The following TINAGL1 variants were observed in gnomAD, a reference collection of about 807,000 sequenced individuals.
The protein encoded by TINAGL1 is tubulointerstitial nephritis antigen like 1, also known as tubulointerstitial nephritis antigen-like.
A neutral mutation model predicts 62.0 loss-of-function variants in TINAGL1; 34 were observed. That is an observed-to-expected ratio of 0.55 (90% CI 0.42 to 0.73). The LOEUF (loss-of-function observed/expected upper bound fraction) is 0.73. TINAGL1 is among the 30% of genes least tolerant of loss of function. TINAGL1 has a pLI of 0.00. For synonymous variants in TINAGL1, 221 were observed against 249.7 expected (o/e 0.88, Z 1.08); for missense variants, 516 against 653.2 (o/e 0.79, Z 2.29).
At chr1:31,580,498 G>A (rs780754544) in intron 3 of TINAGL1, 122 of 1,289,198 alleles carry the variant, frequency 9.5e-5, no homozygotes, top group Non-Finnish European at 1.1e-4. Context: ...TGCTGCCTAG[G>A]TGTGCAGAGG....
chr1:31,577,338 C>T lies in TINAGL1; in HGVS notation c.190C>T (p.Leu64=), dbSNP rs1439957023. The T allele has an allele frequency of 6.2e-7, 1 of 1,613,972 alleles. No individual in the cohort carries two copies. Among genetic ancestry groups the T allele is most frequent in the East Asian group, 2.2e-5 (1 of 44,888 alleles). ...CCRGRADDCA[L]PYLGAICYCD... is the part of the protein sequence containing the mutation. ...CCGCGGCCGTGCCGACGACTGTGCC[C>T]TGCCCTACCTGGGCGCCATCTGTTA... is the stretch of plus-strand genomic sequence containing the variant. Residue 64 remains leucine, a synonymous_variant, in exon 2 of 12, where the codon CTG becomes TTG. Transcript: ENST00000271064. This position sits in a 1 kb window ranked among gnomAD's most constrained non-coding sequence, Gnocchi z 5.4.
Position 31,580,708 on chromosome 1 carries a change from A to G in TINAGL1, c.374+1441A>G, listed in dbSNP as rs775674513. 3 of 1,271,452 alleles carry G rather than the reference A, an allele frequency of 2.4e-6. No homozygotes were observed. The South Asian group carries it at 3.7e-5, about 16-fold the overall frequency. The allele number at this position is 1,271,452 out of a possible 1,614,324, so 78.8% of individuals were successfully genotyped here. ...AGCCTTGGACAGCTTGCAAGGAGGC[A>G]GTTCAGCATCTTGTAATAACAGAGT... On this transcript the variant is annotated intron_variant, in intron 3 of 11. Transcript: ENST00000271064.
At position 31,586,763 on chromosome 1, in the gene TINAGL1, C is replaced by A; in HGVS notation, c.1263+8C>A. 6.4e-7 allele frequency: 1 copy of A among 1,552,520 alleles called. No homozygotes were observed. The highest frequency in any genetic ancestry group is 8.7e-7 in the Non-Finnish European group (1 of 1,147,462). On this transcript the variant is annotated splice_region_variant and intron_variant, in intron 11 of 11. Transcript: ENST00000271064. ...AGGACGCTCAAATACTGGGTGAGGCCGCTGACCCTTTCCCCGCCCCCTCTT... is the reference window on the plus strand; with the variant it reads ...AGGACGCTCAAATACTGGGTGAGGCAGCTGACCCTTTCCCCGCCCCCTCTT...
In TINAGL1 at chr1:31,585,668, G is replaced by A; in HGVS notation, c.1094-85G>A. 2 of 1,551,796 alleles carry A rather than the reference G, an allele frequency of 1.3e-6. No individual in the cohort carries two copies. The highest frequency in any genetic ancestry group is 8.7e-7 in the Non-Finnish European group (1 of 1,147,522). ...TAGAGCTTTGGTATGGAGGGACCCTGGTGCCTGGGCACATCTCAATAGACT... is the reference window on the plus strand; with the variant it reads ...TAGAGCTTTGGTATGGAGGGACCCTAGTGCCTGGGCACATCTCAATAGACT... On this transcript the variant is annotated intron_variant, in intron 9 of 11. Transcript: ENST00000271064. This position sits in a 1 kb window ranked among gnomAD's most constrained non-coding sequence, Gnocchi z 4.3.
At chr1:31,579,158 T>G (rs2148587072) in intron 2 of TINAGL1, 46 bp from the exon 3 acceptor site, 1 of 1,548,482 alleles carries the variant, frequency 6.5e-7, no homozygotes, top group Middle Eastern at 1.7e-4. Flanking sequence ...AATTAGCCCA[T>G]CCTCTCTGGT....
rs1381123015 is a variant in TINAGL1 at position 31,585,325 on chromosome 1, C to A, written c.1032C>A (p.Tyr344Ter). ...NNDIYQVTPV[Y>*]RLGSNDKEIM... ...ACATCTACCAGGTCACTCCTGTCTA[C>A]CGCCTCGGCTCCAACGTAAGTCAGC... is the stretch of plus-strand genomic sequence containing the variant. The change falls in exon 8 of 12, where the codon TAC becomes TAA. Residue 344 changes from tyrosine (Y) to a stop codon, truncating the protein, a stop_gained. Transcript: ENST00000271064. LOFTEE classifies it high-confidence loss of function. This position sits in a 1 kb window ranked among gnomAD's most constrained non-coding sequence, Gnocchi z 4.3. 1.2e-6 allele frequency: 2 copies of A among 1,605,260 alleles called. No individual in the cohort carries two copies. Among genetic ancestry groups the A allele is most frequent in the Non-Finnish European group, 8.5e-7 (1 of 1,174,698 alleles).
rs994311807 is a variant in TINAGL1, at chr1:31,586,997, G to A, written c.*18G>A. The A allele has an allele frequency of 1.4e-6, 2 of 1,456,904 alleles. No homozygotes were observed. Among genetic ancestry groups the A allele is most frequent in the South Asian group, 1.4e-5 (1 of 69,540 alleles). 90.2% of individuals were successfully genotyped at this position (1,456,904 alleles called of 1,614,324 possible). ...ATCACTGAGGCTGCGGGCACCACGC[G>A]GGGTCCGGCCTGGGATCCAGGCTAA... is the stretch of plus-strand genomic sequence containing the variant. On this transcript the variant is annotated 3_prime_UTR_variant, in exon 12 of 12. Transcript: ENST00000271064.
Position 31,587,321 on chromosome 1 carries a change from T to C in TINAGL1, c.*342T>C, listed in dbSNP as rs928834786. 3 of 203,788 alleles carry C rather than the reference T, an allele frequency of 1.5e-5. No individual in the cohort carries two copies. The highest frequency in any genetic ancestry group is 2.9e-5 in the Non-Finnish European group (3 of 103,814). The allele number at this position is 203,788 out of a possible 1,614,324, so 12.6% of individuals were successfully genotyped here. ...CCACTACCCCACCCCACTCCTGTAT[T>C]CTTTTTTTTTTTTTTTTAGACAGGG... is the stretch of plus-strand genomic sequence containing the variant. On this transcript the variant is annotated 3_prime_UTR_variant, in exon 12 of 12. Transcript: ENST00000271064.
chr1:31,585,126 T>C lies in TINAGL1; in HGVS notation c.858-25T>C. The C allele has an allele frequency of 6.4e-7, 1 of 1,563,938 alleles. No homozygotes were observed. The highest frequency in any genetic ancestry group is 8.7e-7 in the Non-Finnish European group (1 of 1,151,510). On this transcript the variant is annotated intron_variant, in intron 7 of 11. Transcript: ENST00000271064. This position sits in a 1 kb window ranked among gnomAD's most constrained non-coding sequence, Gnocchi z 4.3. ...CATGATGCACTGAGTCTTTCTGCCT[T>C]TGCTCCCTCTTGCTGCCTTTGCAGG...
In TINAGL1 at chr1:31,577,764, G is replaced by A. The variant is rs1469995528; in HGVS notation, c.310+306G>A. 5.9e-6 allele frequency: 2 copies of A among 337,364 alleles called. No individual in the cohort carries two copies. Among genetic ancestry groups the A allele is most frequent in the Non-Finnish European group, 1.1e-5 (2 of 186,084 alleles). The allele number at this position is 337,364 out of a possible 1,614,324, so 20.9% of individuals were successfully genotyped here. A position where few individuals can be genotyped will look rare whatever the true frequency, so the allele number is the denominator to read the frequency against. On this transcript the variant is annotated intron_variant, in intron 2 of 11. Coordinates refer to ENST00000271064, the MANE Select transcript of TINAGL1 (RefSeq NM_022164.3). This position sits in a 1 kb window ranked among gnomAD's most constrained non-coding sequence, Gnocchi z 5.4. ...TCTTGGGCTGATAAGGCACATATGG[G>A]TTGGTGAGGGTCATCTTAGCCATTT... is the stretch of plus-strand genomic sequence containing the variant.
rs2148592674 is a variant in TINAGL1 at position 31,583,085 on chromosome 1, C to A, written c.375-64C>A. On this transcript the variant is annotated intron_variant, in intron 3 of 11. Transcript: ENST00000271064. This position sits in a 1 kb window ranked among gnomAD's most constrained non-coding sequence, Gnocchi z 4.4. ...CCCTGGCCCATGTTAACCTCCGAGGCCACATTCCTTCAAAGTATCCCCAGT... is the reference window on the plus strand; with the variant it reads ...CCCTGGCCCATGTTAACCTCCGAGGACACATTCCTTCAAAGTATCCCCAGT... The A allele has an allele frequency of 6.8e-7, 1 of 1,476,460 alleles. No homozygotes were observed. Among genetic ancestry groups the A allele is most frequent in the Non-Finnish European group, 9.5e-7 (1 of 1,055,068 alleles). The allele number at this position is 1,476,460 out of a possible 1,614,324, so 91.5% of individuals were successfully genotyped here.
In TINAGL1 at chr1:31,583,487, T is replaced by C. The variant is rs1432712776; in HGVS notation, c.494T>C (p.Phe165Ser). 6.2e-7 allele frequency: 1 copy of C among 1,613,890 alleles called. No individual in the cohort carries two copies. Among genetic ancestry groups the C allele is most frequent in the Non-Finnish European group, 8.5e-7 (1 of 1,179,980 alleles). ...TGGCAGGCTGGGAACCACAGCGCCT[T>C]CTGGGGCATGACCCTGGATGAGGGC... ...YGWQAGNHSAFWGMTLDEGIR... is the reference protein window; with the variant it reads ...YGWQAGNHSASWGMTLDEGIR... The change falls in exon 5 of 12, where the codon TTC becomes TCC. Residue 165 changes from phenylalanine (F) to serine (S), a missense_variant. Physicochemically the swap from Phe to Ser is radical, Grantham distance 155 (BLOSUM62 -2). Coordinates refer to ENST00000271064, the MANE Select transcript of TINAGL1 (RefSeq NM_022164.3). The surrounding 1 kb of genome is among the most constrained non-coding windows in gnomAD (Gnocchi z 4.4).
intron 3 of TINAGL1, among the ~76,000 whole-genome samples, chr1:31,581,234 A>G (rs977699545): frequency 2.0e-5 from 3 of 147,728 alleles, no homozygotes; most frequent in Admixed American, 6.7e-5. Flanking sequence ...CGTAGAGAGC[A>G]CACGGTCTGA....
At chr1:31,580,112 C>T (rs1380642028) in intron 3 of TINAGL1, among the ~76,000 whole-genome samples, 3 of 150,924 alleles carry the variant, frequency 2.0e-5, no homozygotes, top group African/African-American at 7.3e-5. Flanking sequence ...ATGCCTGGCC[C>T]GCGTCTGCAG....
chr1:31,584,531 G>T lies in TINAGL1; in HGVS notation c.583-147G>T. The T allele has an allele frequency of 1.2e-5, 15 of 1,224,370 alleles. No homozygotes were observed. Among genetic ancestry groups the T allele is most frequent in the Admixed American group, 2.3e-5 (1 of 43,508 alleles). The allele number at this position is 1,224,370 out of a possible 1,614,324, so 75.8% of individuals were successfully genotyped here. On this transcript the variant is annotated intron_variant, in intron 5 of 11. Transcript: ENST00000271064. The surrounding 1 kb of genome is among the most constrained non-coding windows in gnomAD (Gnocchi z 4.0). Reference sequence around the variant, plus strand: ...TGGTTCTTCAACACAAGTCAAAATTGGAGGCAGCTGGAATCCTGCAGCAGC... The same window carrying T: ...TGGTTCTTCAACACAAGTCAAAATTTGAGGCAGCTGGAATCCTGCAGCAGC...
Position 31,577,111 on chromosome 1 carries a change from T to A in TINAGL1, c.-15-23T>A. The stretch of plus-strand genomic sequence containing the variant: ...CCCTGGTGTTCCAGGGAGTCTCTGC[T>A]GCCCACCATCTCTGCCCCCCAGGGC... On this transcript the variant is annotated intron_variant, in intron 1 of 11. Transcript: ENST00000271064. This position sits in a 1 kb window ranked among gnomAD's most constrained non-coding sequence, Gnocchi z 5.4. The A allele has an allele frequency of 6.9e-7, 1 of 1,447,906 alleles. No homozygotes were observed. The highest frequency in any genetic ancestry group is 1.4e-5 in the South Asian group (1 of 69,506). The allele number at this position is 1,447,906 out of a possible 1,614,324, so 89.7% of individuals were successfully genotyped here. A position where few individuals can be genotyped will look rare whatever the true frequency, so the allele number is the denominator to read the frequency against.
intron 3 of TINAGL1, among the ~76,000 whole-genome samples, chr1:31,580,089 A>G (rs1639176949): frequency 6.6e-6 from 1 of 151,162 alleles, no homozygotes; most frequent in Non-Finnish European, 1.5e-5. Context: ...GTGTGTGTTC[A>G]AAAGGATAAA....
At position 31,586,905 on chromosome 1, in the gene TINAGL1, A is replaced by C; in HGVS notation, c.1330A>C (p.Asn444His). The change falls in exon 12 of 12, where the codon AAT becomes CAT. Residue 444 changes from asparagine (N) to histidine (H), a missense_variant. By Grantham distance (68) the Asn-to-His change is moderately conservative (BLOSUM62 1). Coordinates refer to ENST00000271064, the MANE Select transcript of TINAGL1 (RefSeq NM_022164.3). The stretch of plus-strand genomic sequence containing the variant: ...CCACTTCCGCATCGTGCGCGGCGTC[A>C]ATGAGTGCGACATCGAGAGCTTCGT... ...RGHFRIVRGV[N>H]ECDIESFVLG... The C allele has an allele frequency of 1.3e-6, 2 of 1,546,782 alleles. No individual in the cohort carries two copies. The highest frequency in any genetic ancestry group is 1.7e-6 in the Non-Finnish European group (2 of 1,148,386).
chr1:31,586,868 G>T lies in TINAGL1; in HGVS notation c.1293G>T (p.Trp431Cys). 1 of 1,550,650 alleles carries T rather than the reference G, an allele frequency of 6.4e-7. No homozygotes were observed. The highest frequency in any genetic ancestry group is 8.7e-7 in the Non-Finnish European group (1 of 1,147,046). ...CGGCCAACTCCTGGGGCCCAGCCTG[G>T]GGCGAGAGGGGCCACTTCCGCATCG... ...WTAANSWGPA[W>C]GERGHFRIVR... The change falls in exon 12 of 12, where the codon TGG (tryptophan) becomes TGT (cysteine). Residue 431 changes from tryptophan to cysteine, a missense_variant. Transcript: ENST00000271064.
Sources: allele counts gnomAD v4.1 joint callset (sites outside exome capture counted in the v4.1 genomes callset), GRCh38; gene constraint gnomAD v4.1.1; non-coding constraint Gnocchi (gnomAD v3.1); transcripts MANE v1.5; gene names NCBI Gene and HGNC (gene_info 2026-07-23, HGNC 2026-07-21).